The following RNF38 variants were observed in gnomAD, a reference collection of about 807,000 sequenced individuals.
RNF38 encodes the protein ring finger protein 38, also known as E3 ubiquitin-protein ligase RNF38.
Under a neutral mutation model 67.2 loss-of-function variants are expected in RNF38, and 15 were observed. The ratio of observed to expected loss-of-function variants is 0.22; its 90% CI spans 0.15 to 0.34. The LOEUF (loss-of-function observed/expected upper bound fraction) is 0.34, where lower values mean the gene tolerates loss of function less well. Among genes scored for constraint, RNF38 ranks in the 10% least tolerant of loss-of-function variants. RNF38 has a pLI of 1.00. For synonymous variants in RNF38, 220 were observed against 218.8 expected (o/e 1.01, Z -0.05); for missense variants, 524 against 639.9 (o/e 0.82, Z 1.95).
At chr9:36,353,051 C>T in intron 7 of RNF38, 119 bp downstream of exon 7, 1 of 950,648 alleles carries the variant, frequency 1.1e-6, no homozygotes, top group Non-Finnish European at 1.6e-6. Context: ...TATAACTTTC[C>T]AACTGAATGC....
Position 36,342,426 on chromosome 9 carries a change from TA to T in RNF38, c.1386-3del, listed in dbSNP as rs755608224. 12 of 1,599,140 alleles carry T rather than the reference TA, an allele frequency of 7.5e-6. No homozygotes were observed. Among genetic ancestry groups the T allele is most frequent in the Middle Eastern group, 1.7e-4 (1 of 6,032 alleles). ...AAATCACACATGCATACTACACACC[TA>T]AAAAAAGCAAAAAGATCATTTAACC... On this transcript the variant is annotated splice_region_variant and splice_polypyrimidine_tract_variant and intron_variant, in intron 10 of 11. Transcript: ENST00000259605.
At chr9:36,483,394 A>C (rs1840326632) in intron 1 of RNF38, among the ~76,000 whole-genome samples, 1 of 152,142 alleles carries the variant, frequency 6.6e-6, no homozygotes, top group Admixed American at 6.5e-5. Context: ...CTCAAAAAAA[A>C]AGAAAAGCGT....
intron 2 of RNF38, among the ~76,000 whole-genome samples, chr9:36,377,121 C>A (rs755795926): frequency 6.6e-6 from 1 of 152,134 alleles, no homozygotes; most frequent in South Asian, 2.1e-4. Context: ...GCATTAATAA[C>A]ACTCCAGGGT....
chr9:36,412,929 G>A lies in RNF38; in HGVS notation n.312+11684C>T, dbSNP rs139567418. Among the ~76,000 whole-genome samples, 382 of 152,240 alleles carry A rather than the reference G, an allele frequency of 2.5e-3. 1 individual carries two copies. The highest frequency in any genetic ancestry group is 8.5e-3 in the African/African-American group (353 of 41,542). Reference sequence around the variant, plus strand: ...CTCTACTAAAAATACAAAATTAGCCGGGTGTGGTGGCACATGCCTATAGTC... The same window carrying A: ...CTCTACTAAAAATACAAAATTAGCCAGGTGTGGTGGCACATGCCTATAGTC... On this transcript the variant is annotated intron_variant and non_coding_transcript_variant, in intron 2 of 3. Transcript: ENST00000488058.
intron 1 of RNF38, among the ~76,000 whole-genome samples, chr9:36,454,499 GCA>G (rs916847370): frequency 2.0e-5 from 3 of 150,528 alleles, no homozygotes; most frequent in Non-Finnish European, 2.9e-5. Context: ...TCTCAACATT[GCA>G]CAAATATTAT....
At chr9:36,458,524 G>A (rs1324739713) in intron 1 of RNF38, among the ~76,000 whole-genome samples, 1 of 150,270 alleles carries the variant, frequency 6.7e-6, no homozygotes, top group Non-Finnish European at 1.5e-5. Flanking sequence ...CCTGAAGTCA[G>A]CGAGACCACA....
intron 1 of RNF38, among the ~76,000 whole-genome samples, chr9:36,472,491 G>T (rs1184756011): frequency 6.6e-6 from 1 of 152,126 alleles, no homozygotes; most frequent in Admixed American, 6.6e-5. Context: ...GCCCAGAGAA[G>T]ACAAAAGATT....
intron 1 of RNF38, among the ~76,000 whole-genome samples, chr9:36,446,231 T>C (rs1298191977): frequency 1.3e-5 from 2 of 152,326 alleles, no homozygotes; most frequent in Admixed American, 6.5e-5. Flanking sequence ...ACTCTGGGAA[T>C]GTTACACTGA....
intron 1 of RNF38, among the ~76,000 whole-genome samples, chr9:36,399,699 T>C (rs1311379206): frequency 6.6e-6 from 1 of 152,092 alleles, no homozygotes; most frequent in Non-Finnish European, 1.5e-5. Flanking sequence ...ACAAAAGTTC[T>C]ATTTCTTCCA....
At chr9:36,350,798 CAA>C (rs888166614) in intron 9 of RNF38, among the ~76,000 whole-genome samples, 23 of 152,308 alleles carry the variant, frequency 1.5e-4, no homozygotes, top group African/African-American at 4.6e-4. Flanking sequence ...TTGAAATCCA[CAA>C]AGTGTTTACC....
At chr9:36,445,780 AGT>A (rs1839287447) in intron 1 of RNF38, among the ~76,000 whole-genome samples, 1 of 152,232 alleles carries the variant, frequency 6.6e-6, no homozygotes, top group Admixed American at 6.5e-5. Flanking sequence ...GATATCAAGG[AGT>A]GTCACAAGAC....
chr9:36,352,819 A>G lies in RNF38; in HGVS notation c.1101T>C (p.Leu367=), dbSNP rs1167042860. ...VPYPPFMPRR[L]TGRSRYRSQQ... ...GGGATCGGTATCTACTACGTCCTGT[A>G]AGCCTCCGAGGCATAAATGGAGGAT... Residue 367 remains leucine (L), a synonymous_variant, in exon 8 of 12, where the codon CTT becomes CTC. Coordinates refer to ENST00000259605, the MANE Select transcript of RNF38 (RefSeq NM_022781.5). 4 of 1,613,894 alleles carry G rather than the reference A, an allele frequency of 2.5e-6. No homozygotes were observed. The highest frequency in any genetic ancestry group is 3.4e-6 in the Non-Finnish European group (4 of 1,179,898).
intron 1 of RNF38, among the ~76,000 whole-genome samples, chr9:36,446,810 GAAAAAAAAAAAA>G (rs60691553): frequency 0.011 from 303 of 28,214 alleles, 4 homozygotes; most frequent in African/African-American, 0.03. Context: ...TCCGCCTCAA[GAAAAAAAAAAAA>G]AAAAAAAAAA....
At chr9:36,362,084 C>G (rs1284131174) in intron 4 of RNF38, among the ~76,000 whole-genome samples, 1 of 152,136 alleles carries the variant, frequency 6.6e-6, no homozygotes, top group Non-Finnish European at 1.5e-5. Context: ...GGGCCGGGCA[C>G]AGTGGCTCAC....
intron 2 of RNF38, among the ~76,000 whole-genome samples, chr9:36,377,693 T>C (rs1835887509): frequency 6.6e-6 from 1 of 152,174 alleles, no homozygotes; most frequent in African/African-American, 2.4e-5. Flanking sequence ...CTTAAGACGC[T>C]CAGGTTCCTG....
At chr9:36,460,817 G>GT (rs1273585766) in intron 1 of RNF38, among the ~76,000 whole-genome samples, 7 of 149,682 alleles carry the variant, frequency 4.7e-5, no homozygotes, top group Non-Finnish European at 8.9e-5. Context: ...AACCCAGGAG[G>GT]TGAAGGTTGC....
intron 1 of RNF38, among the ~76,000 whole-genome samples, chr9:36,476,646 C>T (rs1029598049): frequency 6.6e-6 from 1 of 151,468 alleles, no homozygotes; most frequent in African/African-American, 2.4e-5. Flanking sequence ...GCCTCAGCCT[C>T]CCAAGTAGCT....
chr9:36,466,014 T>C (rs985487217), intron 1 of RNF38, among the ~76,000 whole-genome samples: 1 of 152,112 alleles, frequency 6.6e-6, no homozygotes, highest in Non-Finnish European at 1.5e-5. Context: ...ATCGGGCCAC[T>C]GCACTTGAGC....
At chr9:36,396,440 A>G (rs1252071108) in intron 1 of RNF38, among the ~76,000 whole-genome samples, 1 of 152,124 alleles carries the variant, frequency 6.6e-6, no homozygotes, top group East Asian at 1.9e-4. Flanking sequence ...CTGAGAATAA[A>G]CTAGACCTAA....
Sources: allele counts gnomAD v4.1 joint callset (sites outside exome capture counted in the v4.1 genomes callset), GRCh38; gene constraint gnomAD v4.1.1; transcripts MANE v1.5; gene names NCBI Gene and HGNC (gene_info 2026-07-23, HGNC 2026-07-21).